The following NDRG3 variants were observed in gnomAD, a reference collection of about 807,000 sequenced individuals.
The protein encoded by NDRG3 is NDRG family member 3, also known as protein NDRG3.
In NDRG3, 23 loss-of-function variants were observed where a neutral mutation model predicts 57.2. The ratio of observed to expected loss-of-function variants is 0.40; its 90% CI spans 0.29 to 0.57. The LOEUF is 0.57. NDRG3 is among the 20% of genes least tolerant of loss of function. NDRG3 has a pLI of 0.42. For synonymous variants in NDRG3, 132 were observed against 162.6 expected (o/e 0.81, Z 1.43); for missense variants, 384 against 457.3 (o/e 0.84, Z 1.46).
At chr20:36,726,579 C>G (rs1404022296) in intron 1 of NDRG3, among the ~76,000 whole-genome samples, 1 of 152,172 alleles carries the variant, frequency 6.6e-6, no homozygotes, top group East Asian at 1.9e-4. Context: ...AGACGGGCTC[C>G]CTCCTGGGGA....
chr20:36,739,373 G>A (rs1168352259), intron 1 of NDRG3, among the ~76,000 whole-genome samples: 1 of 151,276 alleles, frequency 6.6e-6, no homozygotes, highest in East Asian at 1.9e-4. Context: ...CATGAACCTG[G>A]GAGGCGGAGG....
At chr20:36,673,817 A>T (rs1425086946) in intron 8 of NDRG3, among the ~76,000 whole-genome samples, 1 of 152,050 alleles carries the variant, frequency 6.6e-6, no homozygotes, top group Non-Finnish European at 1.5e-5. Context: ...TATATCTAAA[A>T]CATTTGGCCG....
intron 5 of NDRG3, among the ~76,000 whole-genome samples, 189 bp downstream of exon 5, chr20:36,687,303 T>A (rs1218770174): frequency 2.6e-5 from 4 of 152,110 alleles, no homozygotes; most frequent in Non-Finnish European, 5.9e-5. Flanking sequence ...AACACACAGT[T>A]TCCCCCAAAA....
chr20:36,727,977 T>C (rs966993908), intron 1 of NDRG3, among the ~76,000 whole-genome samples: 133 of 152,284 alleles, frequency 8.7e-4, no homozygotes, highest in African/African-American at 3.1e-3. Context: ...TGCAGGAGGA[T>C]TGCTTCAGCC....
chr20:36,715,565 AC>A (rs1984226025), intron 2 of NDRG3, among the ~76,000 whole-genome samples: 1 of 149,700 alleles, frequency 6.7e-6, no homozygotes, highest in South Asian at 2.1e-4. Context: ...TGCCTATAAT[AC>A]CAGCACTTTG....
chr20:36,680,755 C>T (rs1384056336), intron 8 of NDRG3, 61 bp downstream of exon 8: 10 of 1,341,990 alleles, frequency 7.5e-6, no homozygotes, highest in Non-Finnish European at 8.6e-6. Flanking sequence ...CAATGAAAAA[C>T]TGGTAAGCTG....
chr20:36,708,000 C>T (rs1214434461), intron 2 of NDRG3, among the ~76,000 whole-genome samples: 1 of 151,836 alleles, frequency 6.6e-6, no homozygotes, highest in African/African-American at 2.4e-5. Context: ...AGGAGAATTG[C>T]TTGAAACTGG....
intron 2 of NDRG3, 95 bp from the exon 3 acceptor site, chr20:36,707,102 A>AACCAAGAG: frequency 1.8e-6 from 2 of 1,139,820 alleles, no homozygotes; most frequent in South Asian, 1.3e-5. Context: ...GTGCATGTGC[A>AACCAAGAG]GCCTCTTGGT....
At chr20:36,664,105 C>T (rs1401065090) in intron 12 of NDRG3, among the ~76,000 whole-genome samples, 1 of 152,036 alleles carries the variant, frequency 6.6e-6, no homozygotes, top group African/African-American at 2.4e-5. Flanking sequence ...ACCTGGCCAA[C>T]AGTAACATTA....
chr20:36,702,560 G>A (rs1983304325), intron 3 of NDRG3, among the ~76,000 whole-genome samples: 1 of 151,970 alleles, frequency 6.6e-6, no homozygotes, highest in Non-Finnish European at 1.5e-5. Flanking sequence ...TTTCACTCCT[G>A]TCACCCAGGC....
At chr20:36,725,402 AGACCAGTCT>A (rs1179464623) in intron 1 of NDRG3, among the ~76,000 whole-genome samples, 1 of 152,092 alleles carries the variant, frequency 6.6e-6, no homozygotes, top group Non-Finnish European at 1.5e-5. Context: ...CTGAGGTTCG[AGACCAGTCT>A]GGACAACATG....
intron 12 of NDRG3, among the ~76,000 whole-genome samples, chr20:36,663,678 C>CA (rs1979388249): frequency 6.6e-6 from 1 of 152,088 alleles, no homozygotes; most frequent in African/African-American, 2.4e-5. Flanking sequence ...AGGAACCTGG[C>CA]AAAATGTATT....
chr20:36,727,305 C>T (rs1294804228), intron 1 of NDRG3, among the ~76,000 whole-genome samples: 3 of 151,982 alleles, frequency 2.0e-5, no homozygotes, highest in East Asian at 3.9e-4. Flanking sequence ...CTGCAACCTC[C>T]GCCTCTTGGG....
At chr20:36,729,676 C>T (rs1018621648) in intron 1 of NDRG3, among the ~76,000 whole-genome samples, 5 of 151,982 alleles carry the variant, frequency 3.3e-5, no homozygotes, top group East Asian at 1.9e-4. Flanking sequence ...CACAGGCACA[C>T]GCAACCACGC....
chr20:36,656,514 G>T lies in NDRG3; in HGVS notation c.877C>A (p.Leu293Met). The T allele has an allele frequency of 6.2e-7, 1 of 1,614,086 alleles. No individual in the cohort carries two copies. The highest frequency in any genetic ancestry group is 8.5e-7 in the Non-Finnish European group (1 of 1,179,956). Residue 293 changes from leucine to methionine, a missense_variant, in exon 14 of 16, where the codon CTG becomes ATG. Coordinates refer to ENST00000349004, the MANE Select transcript of NDRG3 (RefSeq NM_032013.4). ...CTCCTTACCTGAACTACCTGGGGCA[G>T]TCCCCCACAGTCCGCCATCTAGAAA... ...TLLKMADCGG[L>M]PQVVQPGKLT... is the part of the protein sequence containing the mutation.
intron 7 of NDRG3, 140 bp from the exon 8 acceptor site, chr20:36,681,042 T>C: frequency 4.7e-6 from 3 of 640,292 alleles, no homozygotes; most frequent in Non-Finnish European, 5.3e-6. Context: ...AGGGAGAACA[T>C]GTGGAAAAAT....
chr20:36,665,004 A>G (rs1979497940), intron 12 of NDRG3, 42 bp downstream of exon 12: 2 of 1,598,160 alleles, frequency 1.3e-6, no homozygotes, highest in Non-Finnish European at 1.7e-6. Context: ...ATTTTATTAC[A>G]TTTTGATCTC....
At chr20:36,667,535 CCACT>C (rs960219391) in intron 9 of NDRG3, among the ~76,000 whole-genome samples, 18 of 152,242 alleles carry the variant, frequency 1.2e-4, no homozygotes, top group African/African-American at 2.4e-4. Context: ...TCTCCACCAC[CCACT>C]GTTTAATGGT....
At chr20:36,657,726 G>A (rs997855180) in intron 13 of NDRG3, among the ~76,000 whole-genome samples, 5 of 152,150 alleles carry the variant, frequency 3.3e-5, no homozygotes, top group Non-Finnish European at 5.9e-5. Flanking sequence ...GACTACTACT[G>A]AGGAGAATGC....
Sources: allele counts gnomAD v4.1 joint callset (sites outside exome capture counted in the v4.1 genomes callset), GRCh38; gene constraint gnomAD v4.1.1; transcripts MANE v1.5; gene names NCBI Gene and HGNC (gene_info 2026-07-23, HGNC 2026-07-21).